Variants in C16orf46 observed in about 807,000 individuals in gnomAD.
C16orf46 encodes the protein uncharacterized protein C16orf46.
A neutral mutation model predicts 5.5 loss-of-function variants in C16orf46; 7 were observed. The ratio of observed to expected loss-of-function variants is 1.28; its 90% CI spans 0.73 to 2.40. The LOEUF is 2.40. Among genes scored for constraint, C16orf46 ranks in the 30% most tolerant of loss-of-function variants. C16orf46 has a pLI of 0.00. For synonymous variants in C16orf46, 200 were observed against 184.1 expected, an observed-to-expected ratio of 1.09 and a Z score of -0.70; for missense variants, 614 against 476.0, an observed-to-expected ratio of 1.29 and a Z score of -2.70.
chr16:81,075,149 T>G (rs1971987682), intron 1 of C16orf46, among the ~76,000 whole-genome samples: 1 of 152,200 alleles, frequency 6.6e-6, no homozygotes, highest in South Asian at 2.1e-4. Flanking sequence ...TGACCTGGCC[T>G]ATGTTTCTAA....
intron 3 of C16orf46, among the ~76,000 whole-genome samples, chr16:81,062,629 C>A (rs1005682366): frequency 6.6e-6 from 1 of 152,150 alleles, no homozygotes; most frequent in African/African-American, 2.4e-5. Flanking sequence ...CTTGGAGAGG[C>A]TGGAGGGAGA....
intron 1 of C16orf46, among the ~76,000 whole-genome samples, chr16:81,070,095 A>G (rs2151756169): frequency 6.6e-6 from 1 of 152,240 alleles, no homozygotes; most frequent in South Asian, 2.1e-4. Context: ...ACTGCACTCC[A>G]GTCTAGGCGA....
At chr16:81,056,925 G>A (rs1000496855), downstream of C16orf46, among the ~76,000 whole-genome samples, 5 of 152,262 alleles carry the variant, frequency 3.3e-5, no homozygotes, top group African/African-American at 1.2e-4. Context: ...AGCAAAGGCG[G>A]TGGGCTCCAG....
intron 1 of C16orf46, among the ~76,000 whole-genome samples, chr16:81,075,545 G>A (rs117483771): frequency 0.034 from 5,228 of 152,226 alleles, 234 homozygotes; most frequent in African/African-American, 0.11. Flanking sequence ...AGCCGAGATT[G>A]CACCACTACA....
intron 2 of C16orf46, among the ~76,000 whole-genome samples, chr16:81,065,340 G>A (rs1971622692): frequency 6.6e-6 from 1 of 152,004 alleles, no homozygotes; most frequent in Admixed American, 6.6e-5. Flanking sequence ...CAGGTGTGGT[G>A]GTGCACACCT....
intron 1 of C16orf46, among the ~76,000 whole-genome samples, chr16:81,067,525 GAAAT>G (rs1036729107): frequency 6.6e-6 from 1 of 152,118 alleles, no homozygotes; most frequent in African/African-American, 2.4e-5. Flanking sequence ...TAAGCAAACT[GAAAT>G]AAATGTTGTT....
At chr16:81,057,753 CG>C (rs1567570886), downstream of C16orf46, among the ~76,000 whole-genome samples, 1 of 151,032 alleles carries the variant, frequency 6.6e-6, no homozygotes, top group Admixed American at 6.6e-5. Context: ...TGAAACAGGC[CG>C]GGTGTGGTGG....
intron 1 of C16orf46, among the ~76,000 whole-genome samples, chr16:81,069,280 T>C (rs1035995212): frequency 6.6e-6 from 1 of 152,192 alleles, no homozygotes; most frequent in African/African-American, 2.4e-5. Context: ...CAAGCAGCCC[T>C]ATCTCTTTTC....
At chr16:81,064,541 A>T (rs1971591522) in intron 2 of C16orf46, among the ~76,000 whole-genome samples, 1 of 152,066 alleles carries the variant, frequency 6.6e-6, no homozygotes. Context: ...TGAGGTCAGG[A>T]GTTCGAGGAC....
intron 3 of C16orf46, among the ~76,000 whole-genome samples, chr16:81,063,367 G>A (rs1194835882): frequency 6.6e-6 from 1 of 152,010 alleles, no homozygotes; most frequent in Non-Finnish European, 1.5e-5. Flanking sequence ...GAGTCCAGGA[G>A]ACCTGGATTC....
intron 1 of C16orf46, among the ~76,000 whole-genome samples, chr16:81,074,411 A>T (rs1488013858): frequency 6.6e-6 from 1 of 151,920 alleles, no homozygotes; most frequent in South Asian, 2.1e-4. Context: ...TTTTAGACAG[A>T]GTCTCGCTCT....
chr16:81,057,403 G>C (rs893630844), downstream of C16orf46, among the ~76,000 whole-genome samples: 1 of 151,922 alleles, frequency 6.6e-6, no homozygotes, highest in African/African-American at 2.4e-5. Flanking sequence ...ACAAAAATTA[G>C]CTGGGCATGG....
intron 1 of C16orf46, among the ~76,000 whole-genome samples, chr16:81,066,833 C>T (rs1334892396): frequency 6.6e-6 from 1 of 152,138 alleles, no homozygotes; most frequent in Non-Finnish European, 1.5e-5. Context: ...TCCATACAAA[C>T]GTTTTCCACC....
intron 3 of C16orf46, 92 bp from the exon 4 acceptor site, chr16:81,062,230 T>C (rs1257721337): frequency 1.2e-5 from 13 of 1,099,754 alleles, no homozygotes; most frequent in African/African-American, 1.6e-5. Flanking sequence ...GGCAGTCTTA[T>C]GTGAAACAAT....
chr16:81,070,516 T>C (rs1971813504), intron 1 of C16orf46, among the ~76,000 whole-genome samples: 1 of 152,212 alleles, frequency 6.6e-6, no homozygotes, highest in Non-Finnish European at 1.5e-5. Flanking sequence ...TAGTTTTTTT[T>C]AAACAAAGGC....
rs1168622772 is a variant in C16orf46, at chr16:81,061,827, G to T, written c.522C>A (p.Asp174Glu). ...CCCTATTAGTGCCGGGGATGGCCCAGTCTTTGTTGCACCAAATAAACTCCT... is the reference window on the plus strand; with the variant it reads ...CCCTATTAGTGCCGGGGATGGCCCATTCTTTGTTGCACCAAATAAACTCCT... Reference protein sequence around the residue: ...QIKEFIWCNKDWAIPGTNRGK... With the variant: ...QIKEFIWCNKEWAIPGTNRGK... The change falls in exon 4 of 4, where the codon GAC (aspartate) becomes GAA (glutamate). Residue 174 changes from aspartate to glutamate, a missense_variant. Asp to Glu is a conservative substitution (Grantham distance 45). Transcript: ENST00000299578. The T allele has an allele frequency of 6.2e-7, 1 of 1,614,004 alleles. No homozygotes were observed. Among genetic ancestry groups the T allele is most frequent in the Non-Finnish European group, 8.5e-7 (1 of 1,180,016 alleles).
intron 1 of C16orf46, 23 bp downstream of exon 1, chr16:81,077,113 G>A (rs1458737565): frequency 6.6e-6 from 1 of 152,444 alleles, no homozygotes; most frequent in Admixed American, 6.5e-5. Context: ...CCCAGGGGTG[G>A]AGAAATGGCC....
At chr16:81,056,730 C>T (rs1971307526), downstream of C16orf46, among the ~76,000 whole-genome samples, 1 of 149,920 alleles carries the variant, frequency 6.7e-6, no homozygotes, top group Admixed American at 6.6e-5. Context: ...AGACTTATGG[C>T]TGCTTCTTTG....
chr16:81,068,437 T>C (rs1450077910), intron 1 of C16orf46, among the ~76,000 whole-genome samples: 1 of 152,216 alleles, frequency 6.6e-6, no homozygotes, highest in Admixed American at 6.5e-5. Flanking sequence ...AAAACCTATG[T>C]GGAAAGAGAC....
Sources: allele counts gnomAD v4.1 joint callset (sites outside exome capture counted in the v4.1 genomes callset), GRCh38; gene constraint gnomAD v4.1.1; transcripts MANE v1.5; gene names NCBI Gene and HGNC (gene_info 2026-07-23, HGNC 2026-07-21).